The following METTL15 variants were observed in gnomAD, a reference collection of about 807,000 sequenced individuals.
METTL15 encodes 12S rRNA N(4)-cytidine methyltransferase METTL15.
A neutral mutation model predicts 38.3 loss-of-function variants in METTL15; 34 were observed. That is an observed-to-expected ratio of 0.89 (90% CI 0.68 to 1.18). The LOEUF (loss-of-function observed/expected upper bound fraction) is 1.18. METTL15 is among the 50% of genes most tolerant of loss of function. The pLI, the probability that METTL15 is intolerant of heterozygous loss-of-function variation, is 0.00. For missense variants in METTL15, 438 were observed against 498.4 expected, an observed-to-expected ratio of 0.88 and a Z score of 1.15; for synonymous variants, 162 against 170.9, an observed-to-expected ratio of 0.95 and a Z score of 0.41.
At chr11:28,491,394 C>A (rs961396150) in intron 6 of METTL15, among the ~76,000 whole-genome samples, 1 of 152,070 alleles carries the variant, frequency 6.6e-6, no homozygotes, top group Non-Finnish European at 1.5e-5. Flanking sequence ...AGAAAAAAAT[C>A]CAGGTAGTAA....
chr11:28,392,388 A>G (rs184156475), intron 5 of METTL15, among the ~76,000 whole-genome samples: 7 of 152,256 alleles, frequency 4.6e-5, no homozygotes, highest in Admixed American at 2.0e-4. Context: ...AAGGACAGAC[A>G]TATAGACTCA....
chr11:28,276,721 A>G (rs951431075), intron 4 of METTL15, among the ~76,000 whole-genome samples: 6 of 152,212 alleles, frequency 3.9e-5, no homozygotes, highest in Non-Finnish European at 7.4e-5. Context: ...GTATTGGTAT[A>G]AAAATAGACA....
chr11:28,117,231 A>ATGTGTGTGTGTG (rs1444092063), intron 3 of METTL15, among the ~76,000 whole-genome samples: 7 of 66,830 alleles, frequency 1.0e-4, no homozygotes, highest in East Asian at 4.5e-4. Context: ...ACACCTATAT[A>ATGTGTGTGTGTG]TGTATGTGTG....
intron 3 of METTL15, among the ~76,000 whole-genome samples, chr11:28,168,859 C>T (rs1392515718): frequency 6.6e-6 from 1 of 151,972 alleles, no homozygotes; most frequent in Non-Finnish European, 1.5e-5. Context: ...AAAATGCTGA[C>T]ACTGAAAACA....
intron 4 of METTL15, among the ~76,000 whole-genome samples, chr11:28,242,816 A>G (rs1459404810): frequency 2.0e-5 from 3 of 152,170 alleles, no homozygotes; most frequent in Non-Finnish European, 4.4e-5. Context: ...AAGTGGTCAG[A>G]TAACTAAATC....
At chr11:28,291,525 T>C (rs895328039) in intron 5 of METTL15, among the ~76,000 whole-genome samples, 2 of 152,142 alleles carry the variant, frequency 1.3e-5, no homozygotes, top group Non-Finnish European at 2.9e-5. Context: ...TATTCACATA[T>C]AGCCTTTTTC....
chr11:28,472,150 C>T (rs1221941926), intron 6 of METTL15, among the ~76,000 whole-genome samples: 1 of 151,926 alleles, frequency 6.6e-6, no homozygotes, highest in Non-Finnish European at 1.5e-5. Flanking sequence ...AGAAATAGTC[C>T]CCTTAATTAG....
intron 6 of METTL15, among the ~76,000 whole-genome samples, chr11:28,301,491 G>A (rs549712745): frequency 1.3e-5 from 2 of 151,826 alleles, no homozygotes; most frequent in African/African-American, 2.4e-5. Context: ...GATTTATATT[G>A]TGCAACACCA....
intron 6 of METTL15, among the ~76,000 whole-genome samples, chr11:28,468,779 C>A (rs1294158324): frequency 6.6e-6 from 1 of 152,056 alleles, no homozygotes; most frequent in Non-Finnish European, 1.5e-5. Flanking sequence ...ACATATGATT[C>A]CAGGGCTCTA....
At chr11:28,149,466 G>A (rs759007250) in intron 3 of METTL15, among the ~76,000 whole-genome samples, 4 of 151,842 alleles carry the variant, frequency 2.6e-5, no homozygotes, top group Non-Finnish European at 5.9e-5. Flanking sequence ...CTTGCAGTTT[G>A]CATTTTTTAG....
chr11:28,450,605 G>T (rs969037172), intron 6 of METTL15, among the ~76,000 whole-genome samples: 2 of 152,174 alleles, frequency 1.3e-5, no homozygotes, highest in Non-Finnish European at 2.9e-5. Context: ...AATACAGTAT[G>T]TGTAAGTCAA....
chr11:28,273,046 T>A (rs895089115), intron 4 of METTL15, among the ~76,000 whole-genome samples: 1 of 152,206 alleles, frequency 6.6e-6, no homozygotes, highest in Admixed American at 6.5e-5. Context: ...TTTATAGGAT[T>A]GTGATACAGG....
chr11:28,383,936 G>A (rs1850414228), intron 5 of METTL15, among the ~76,000 whole-genome samples: 1 of 152,068 alleles, frequency 6.6e-6, no homozygotes, highest in South Asian at 2.1e-4. Flanking sequence ...GTACCCATTA[G>A]TATTTTTCCT....
At chr11:28,312,960 T>A (rs546830066) in intron 6 of METTL15, among the ~76,000 whole-genome samples, 80 of 152,112 alleles carry the variant, frequency 5.3e-4, no homozygotes, top group African/African-American at 1.8e-3. Flanking sequence ...ATTCCCACCA[T>A]AGGACTTGTT....
chr11:28,260,850 T>A (rs1337000280), intron 4 of METTL15, among the ~76,000 whole-genome samples: 2 of 152,132 alleles, frequency 1.3e-5, no homozygotes, highest in Non-Finnish European at 2.9e-5. Flanking sequence ...AATCTGAAAT[T>A]TACTTTGATT....
At chr11:28,487,445 G>A (rs1398501113) in intron 6 of METTL15, among the ~76,000 whole-genome samples, 1 of 152,008 alleles carries the variant, frequency 6.6e-6, no homozygotes, top group Non-Finnish European at 1.5e-5. Context: ...TTACAAGTTA[G>A]CATATACACT....
At chr11:28,264,489 C>T (rs537123303) in intron 4 of METTL15, among the ~76,000 whole-genome samples, 1 of 152,044 alleles carries the variant, frequency 6.6e-6, no homozygotes. Context: ...TAAAGAGCCT[C>T]ACTACACTGT....
At chr11:28,407,297 C>T (rs997703167) in intron 5 of METTL15, among the ~76,000 whole-genome samples, 1 of 152,058 alleles carries the variant, frequency 6.6e-6, no homozygotes, top group African/African-American at 2.4e-5. Context: ...GCAACAAAAG[C>T]AAAAACTGAC....
At chr11:28,311,221 CTT>C (rs1366662262) in intron 6 of METTL15, among the ~76,000 whole-genome samples, 1 of 151,996 alleles carries the variant, frequency 6.6e-6, no homozygotes, top group Non-Finnish European at 1.5e-5. Context: ...AATCCTTTCT[CTT>C]TCTCAGTGAG....
Sources: gnomAD v4.1 joint callset for allele counts (sites outside exome capture counted in the v4.1 genomes callset) on GRCh38, gnomAD v4.1.1 for gene constraint, MANE v1.5 for transcripts, NCBI Gene and HGNC (gene_info 2026-07-23, HGNC 2026-07-21) for gene names.